TRIO: variants seen among roughly 807,000 people sequenced by gnomAD.
TRIO encodes the protein triple functional domain protein.
Under a neutral mutation model 351.9 loss-of-function variants are expected in TRIO, and 58 were observed. The ratio of observed to expected loss-of-function variants is 0.16; its 90% CI spans 0.13 to 0.21. The LOEUF is 0.21. Ranked by LOEUF, TRIO falls within the 10% of genes least tolerant of loss-of-function variation. The pLI, the probability that TRIO is intolerant of heterozygous loss-of-function variation, is 1.00. For synonymous variants in TRIO, 1,758 were observed against 1,595.7 expected, an observed-to-expected ratio of 1.10 and a Z score of -2.42; for missense variants, 3,201 against 4,027.8, an observed-to-expected ratio of 0.79 and a Z score of 5.56.
At chr5:14,402,906 G>A (rs956152138) in intron 31 of TRIO, among the ~76,000 whole-genome samples, 1 of 151,962 alleles carries the variant, frequency 6.6e-6, no homozygotes, top group Non-Finnish European at 1.5e-5. Context: ...TGATGGTGAG[G>A]GTACAGATTT....
intron 1 of TRIO, among the ~76,000 whole-genome samples, chr5:14,165,900 G>A (rs898484317): frequency 2.0e-5 from 3 of 152,164 alleles, no homozygotes; most frequent in African/African-American, 7.2e-5. Flanking sequence ...AGGCCCAGAT[G>A]GACTGCATCC....
intron 7 of TRIO, among the ~76,000 whole-genome samples, chr5:14,302,899 C>T (rs1330353645): frequency 2.0e-5 from 3 of 152,252 alleles, no homozygotes; most frequent in Non-Finnish European, 4.4e-5. Context: ...GCCTTCCGCA[C>T]TTGCCTTTCA....
intron 34 of TRIO, 196 bp downstream of exon 34, chr5:14,420,217 A>ATTATTTCTGAGTCGT: frequency 2.7e-6 from 2 of 752,638 alleles, no homozygotes; most frequent in Non-Finnish European, 4.2e-6. Context: ...CCCACGACTC[A>ATTATTTCTGAGTCGT]GAAATAATGA....
At chr5:14,453,268 G>A (rs1752980940) in intron 34 of TRIO, among the ~76,000 whole-genome samples, 1 of 152,092 alleles carries the variant, frequency 6.6e-6, no homozygotes, top group African/African-American at 2.4e-5. Flanking sequence ...TTAAGTGACT[G>A]CGATGTGCTG....
intron 33 of TRIO, among the ~76,000 whole-genome samples, chr5:14,415,467 T>G (rs978522731): frequency 6.6e-6 from 1 of 152,142 alleles, no homozygotes; most frequent in Non-Finnish European, 1.5e-5. Flanking sequence ...GGGGGTGTTC[T>G]GAGGAACAAA....
rs368008152 is a variant in TRIO at position 14,205,733 on chromosome 5, AATTT to A, written c.157+61865_157+61868del. 5.1e-4 allele frequency among the ~76,000 whole-genome samples: 78 copies of A among 152,296 alleles called. No individual in the cohort carries two copies. In the East Asian group the frequency reaches 0.014, roughly 27 times the overall value. On this transcript the variant is annotated intron_variant, in intron 1 of 56. Transcript: ENST00000344204. ...AAATACTTTTATACAAATGTTTTTC[AATTT>A]ATTTATTTATTTAGAGACAGAGTCT...
chr5:14,487,957 C>T lies in TRIO; in HGVS notation c.7329C>T (p.Thr2443=). 1 of 1,550,198 alleles carries T rather than the reference C, an allele frequency of 6.5e-7. No individual in the cohort carries two copies. Among genetic ancestry groups the T allele is most frequent in the Non-Finnish European group, 8.7e-7 (1 of 1,147,680 alleles). The change falls in exon 48 of 57, where the codon ACC becomes ACT. Residue 2443 remains threonine (T), a synonymous_variant. Coordinates refer to ENST00000344204, the MANE Select transcript of TRIO (RefSeq NM_007118.4). ...PAKDARASLG[T]LPLGKPRAGA... Reference sequence around the variant, plus strand: ...AGGACGCGCGCGCTAGCCTGGGCACCCTGCCGCTTGGGAAGCCCCGGGCCG... The same window carrying T: ...AGGACGCGCGCGCTAGCCTGGGCACTCTGCCGCTTGGGAAGCCCCGGGCCG...
chr5:14,364,548 T>G, intron 14 of TRIO, 102 bp from the exon 15 acceptor site: 1 of 1,420,938 alleles, frequency 7.0e-7, no homozygotes, highest in African/African-American at 1.4e-5. Flanking sequence ...GGCCCCCAGC[T>G]GGGCAGATCA....
chr5:14,453,110 T>G (rs1056185510), intron 34 of TRIO, among the ~76,000 whole-genome samples: 5 of 152,106 alleles, frequency 3.3e-5, no homozygotes, highest in Non-Finnish European at 7.4e-5. Flanking sequence ...AGCATGGACT[T>G]TTTTTGAACT....
chr5:14,324,797 G>A (rs1394968005), intron 9 of TRIO, among the ~76,000 whole-genome samples: 1 of 152,150 alleles, frequency 6.6e-6, no homozygotes, highest in African/African-American at 2.4e-5. Flanking sequence ...GTAACACAGT[G>A]TACAATACTA....
At chr5:14,380,282 G>A (rs945314054) in intron 20 of TRIO, among the ~76,000 whole-genome samples, 4 of 31,614 alleles carry the variant, frequency 1.3e-4, no homozygotes, top group South Asian at 5.7e-4. Context: ...CTCCTCCTTC[G>A]CGCCCCGCCT....
intron 11 of TRIO, among the ~76,000 whole-genome samples, chr5:14,337,695 A>G (rs1435703030): frequency 6.6e-6 from 1 of 152,202 alleles, no homozygotes; most frequent in Admixed American, 6.5e-5. Flanking sequence ...TTTAAAGGAA[A>G]AGAACGGCAC....
chr5:14,213,774 T>C (rs1306659706), intron 1 of TRIO, among the ~76,000 whole-genome samples: 2 of 152,186 alleles, frequency 1.3e-5, no homozygotes, highest in East Asian at 3.8e-4. Context: ...TAAGGATGAA[T>C]GCCAGAATTG....
chr5:14,344,092 C>T (rs1379932028), intron 11 of TRIO, among the ~76,000 whole-genome samples: 2 of 152,190 alleles, frequency 1.3e-5, no homozygotes, highest in Admixed American at 1.3e-4. Flanking sequence ...TGCTTTTACA[C>T]ATTTGATTTC....
intron 1 of TRIO, among the ~76,000 whole-genome samples, chr5:14,165,327 T>C (rs1788702101): frequency 6.6e-6 from 1 of 152,202 alleles, no homozygotes; most frequent in African/African-American, 2.4e-5. Context: ...CATGCATCCT[T>C]AATGTTAGCT....
intron 1 of TRIO, among the ~76,000 whole-genome samples, chr5:14,185,017 T>A (rs1035378024): frequency 6.6e-6 from 1 of 152,182 alleles, no homozygotes; most frequent in African/African-American, 2.4e-5. Flanking sequence ...CAGTCGTCCA[T>A]GACTCATGGA....
At chr5:14,469,275 C>A (rs1015349482) in intron 37 of TRIO, among the ~76,000 whole-genome samples, 5 of 151,942 alleles carry the variant, frequency 3.3e-5, no homozygotes, top group Non-Finnish European at 7.4e-5. Flanking sequence ...ATTAGGTAAC[C>A]ATGTCAAGAA....
Position 14,368,750 on chromosome 5 carries a change from G to T in TRIO, c.2917G>T (p.Ala973Ser). ...GCTGCAGGTGCAGCAGAAGGCAGAA[G>T]CCATGCTACAGGCCAACCACTACGA... ...SALQVQQKAE[A>S]MLQANHYDMD... The change falls in exon 17 of 57, where the codon GCC becomes TCC. Residue 973 changes from alanine to serine, a missense_variant. Ala to Ser is a moderately conservative substitution (Grantham distance 99). This residue lies in a region of TRIO where 363 missense variants were observed against 553.5 expected (regional missense o/e 0.66). Coordinates refer to ENST00000344204, the MANE Select transcript of TRIO (RefSeq NM_007118.4). 1 of 1,614,112 alleles carries T rather than the reference G, an allele frequency of 6.2e-7. No individual in the cohort carries two copies. Among genetic ancestry groups the T allele is most frequent in the Non-Finnish European group, 8.5e-7 (1 of 1,180,012 alleles).
At chr5:14,297,396 G>A in intron 7 of TRIO, 133 bp downstream of exon 7, 1 of 1,091,950 alleles carries the variant, frequency 9.2e-7, no homozygotes, top group South Asian at 1.9e-5. Flanking sequence ...AAGTCACTTG[G>A]CCCTGAGTTT....
Sources: allele counts gnomAD v4.1 joint callset (sites outside exome capture counted in the v4.1 genomes callset), GRCh38; gene constraint gnomAD v4.1.1; regional missense constraint gnomAD v4.1.1; transcripts MANE v1.5; gene names NCBI Gene and HGNC (gene_info 2026-07-23, HGNC 2026-07-21).